Variants in CLPTM1L observed in about 807,000 individuals in gnomAD.
CLPTM1L encodes lipid scramblase CLPTM1L.
In CLPTM1L, 38 loss-of-function variants were observed where a neutral mutation model predicts 70.9. That is an observed-to-expected ratio of 0.54 (90% confidence interval 0.41 to 0.70). The LOEUF is 0.70. Among genes scored for constraint, CLPTM1L ranks in the 30% least tolerant of loss-of-function variants. The pLI, the probability that CLPTM1L is intolerant of heterozygous loss-of-function variation, is 0.00. For synonymous variants in CLPTM1L, 339 were observed against 299.9 expected, an observed-to-expected ratio of 1.13 and a Z score of -1.35; for missense variants, 652 against 705.9, an observed-to-expected ratio of 0.92 and a Z score of 0.87.
intron 4 of CLPTM1L, among the ~76,000 whole-genome samples, chr5:1,338,600 C>A (rs1159200460): frequency 1.3e-5 from 2 of 152,274 alleles, no homozygotes; most frequent in Non-Finnish European, 2.9e-5. Context: ...TCAGCGCCTT[C>A]CGTTTTCTCT....
At chr5:1,343,379 A>C (rs1421166052) in intron 2 of CLPTM1L, among the ~76,000 whole-genome samples, 1 of 152,178 alleles carries the variant, frequency 6.6e-6, no homozygotes, top group Non-Finnish European at 1.5e-5. Flanking sequence ...AGCTGTGTTA[A>C]GAGTGCTCAT....
intron 8 of CLPTM1L, chr5:1,330,923 G>A (rs369112784): frequency 6.5e-6 from 1 of 154,058 alleles, no homozygotes; most frequent in African/African-American, 2.4e-5. Flanking sequence ...GCCAGGAAAG[G>A]CATTAGGGTT....
chr5:1,327,369 C>CTCCTCCTCTACAGGG (rs1752670670), intron 9 of CLPTM1L, among the ~76,000 whole-genome samples: 1 of 140,460 alleles, frequency 7.1e-6, no homozygotes, highest in Non-Finnish European at 1.6e-5. Context: ...CCTCTACAGG[C>CTCCTCCTCTACAGGG]ACATTCCATC....
chr5:1,338,894 A>C lies in CLPTM1L; in HGVS notation c.565T>G (p.Ser189Ala). 6 of 1,613,338 alleles carry C rather than the reference A, an allele frequency of 3.7e-6. No homozygotes were observed. Among genetic ancestry groups the C allele is most frequent in the Non-Finnish European group, 5.1e-6 (6 of 1,180,050 alleles). Residue 189 changes from serine (S) to alanine (A), a missense_variant, in exon 4 of 17, where the codon TCC (serine) becomes GCC (alanine). By Grantham distance (99) the Ser-to-Ala change is moderately conservative (BLOSUM62 1). Transcript: ENST00000320895. ...MADNFVFDGS[S>A]LPADVHRYMK... ...TACCGATGCACATCGGCAGGCAGGG[A>C]GGACCCGTCAAAGACAAAGTTGTCC...
rs554412410 is a variant in CLPTM1L, at chr5:1,328,620, C to T, written c.1080+1660G>A. Among the ~76,000 whole-genome samples the T allele has an allele frequency of 1.9e-3, 289 of 151,498 alleles. 4 individuals are homozygous for T. The highest frequency in any genetic ancestry group is 6.7e-3 in the African/African-American group (274 of 41,056). ...TCATCCAGCTCCTCCTCTACAGACA[C>T]ACTTCATCCAGCTCCTCCTCTACAG... On this transcript the variant is annotated intron_variant, in intron 9 of 16. Coordinates refer to ENST00000320895, the MANE Select transcript of CLPTM1L (RefSeq NM_030782.5).
intron 12 of CLPTM1L, among the ~76,000 whole-genome samples, chr5:1,323,230 C>CAG (rs1752269846): frequency 6.8e-6 from 1 of 147,342 alleles, no homozygotes; most frequent in Non-Finnish European, 1.5e-5. Context: ...CAGCAGAGGC[C>CAG]GGGCACTCCA....
intron 9 of CLPTM1L, among the ~76,000 whole-genome samples, chr5:1,329,777 C>CTGGTGGACAGAGCCTCAGGACTCTCTGCT (rs1752959175): frequency 1.7e-5 from 1 of 58,374 alleles, no homozygotes; most frequent in Admixed American, 1.6e-4. Context: ...GACTCTCTGC[C>CTGGTGGACAGAGCCTCAGGACTCTCTGCT]TGGTGGACAG....
At chr5:1,336,766 G>A (rs1232753198) in intron 5 of CLPTM1L, among the ~76,000 whole-genome samples, 4 of 152,362 alleles carry the variant, frequency 2.6e-5, no homozygotes, top group Admixed American at 6.5e-5. Context: ...CAGCCTGCAG[G>A]TTGTATAGGA....
In CLPTM1L at chr5:1,322,432, C is replaced by G. The variant is rs544670334; in HGVS notation, c.1315+445G>C. Among the ~76,000 whole-genome samples, 3 of 152,338 alleles carry G rather than the reference C, an allele frequency of 2.0e-5. No homozygotes were observed. The South Asian group carries it at 6.2e-4, about 32-fold the overall frequency. On this transcript the variant is annotated intron_variant, in intron 13 of 16. Coordinates refer to ENST00000320895, the MANE Select transcript of CLPTM1L (RefSeq NM_030782.5). ...CATCTGCAGGAGGGGGCGCGCCGTG[C>G]ACCAGAGCCTGGTGCTTCCATTTGC...
At chr5:1,343,698 G>A (rs1754092563) in intron 2 of CLPTM1L, among the ~76,000 whole-genome samples, 1 of 152,264 alleles carries the variant, frequency 6.6e-6, no homozygotes, top group Admixed American at 6.5e-5. Context: ...CTACCCCCAG[G>A]GACTGGCTGC....
Position 1,339,012 on chromosome 5 carries a change from A to G in CLPTM1L, c.454-7T>C. ...TCTTCTCCGCCTCGATCTGCTGTTA[A>G]GTGAGGAAAACAGAGGCCAATGCTG... On this transcript the variant is annotated splice_region_variant and splice_polypyrimidine_tract_variant and intron_variant, in intron 3 of 16. Transcript: ENST00000320895. 16 of 1,611,660 alleles carry G rather than the reference A, an allele frequency of 9.9e-6. No individual in the cohort carries two copies. Among genetic ancestry groups the G allele is most frequent in the Non-Finnish European group, 1.3e-5 (15 of 1,178,770 alleles).
intron 12 of CLPTM1L, among the ~76,000 whole-genome samples, chr5:1,323,515 A>C (rs1047036715): frequency 2.0e-5 from 3 of 152,150 alleles, no homozygotes; most frequent in African/African-American, 7.2e-5. Context: ...CGGGCAGCAG[A>C]GGCCAGGGGC....
At chr5:1,324,901 C>T in intron 10 of CLPTM1L, 88 bp from the exon 11 acceptor site, 1 of 1,237,128 alleles carries the variant, frequency 8.1e-7, no homozygotes, top group Non-Finnish European at 1.2e-6. Context: ...TCACATATGG[C>T]TGCAGAGCTG....
chr5:1,335,255 TC>T, intron 5 of CLPTM1L, 81 bp from the exon 6 acceptor site: 1 of 1,106,188 alleles, frequency 9.0e-7, no homozygotes, highest in Non-Finnish European at 1.4e-6. Flanking sequence ...AACCCTGCCA[TC>T]CCCCTTCCCA....
chr5:1,342,779 G>A lies in CLPTM1L; in HGVS notation c.264-919C>T, dbSNP rs1754028977. ...AACTTTGAAAACTGTTGTAGAGATG[G>A]GGTTTTGTCACATTGCCTAGGCTGG... On this transcript the variant is annotated intron_variant, in intron 2 of 16. Transcript: ENST00000320895. This position sits in a 1 kb window ranked among gnomAD's most constrained non-coding sequence, Gnocchi z 4.3. Among the ~76,000 whole-genome samples the A allele has an allele frequency of 6.6e-6, 1 of 152,206 alleles. No individual in the cohort carries two copies.
rs994408577 is a variant in CLPTM1L at position 1,344,807 on chromosome 5, A to C, written c.35T>G (p.Val12Gly). ...WSGRSSFTSLVVGVFVVYVVH... is the reference protein window; with the variant it reads ...WSGRSSFTSLGVGVFVVYVVH... ...CACGTAGACCACGAACACGCCCACC[A>C]CCAAGCTGGTGAAGGAGCTGCGGCC... The change falls in exon 1 of 17, where the codon GTG (valine) becomes GGG (glycine). Residue 12 changes from valine to glycine, a missense_variant. Transcript: ENST00000320895. The C allele has an allele frequency of 1.5e-5, 24 of 1,597,474 alleles. No homozygotes were observed. The highest frequency in any genetic ancestry group is 1.9e-5 in the Non-Finnish European group (22 of 1,173,664).
intron 2 of CLPTM1L, among the ~76,000 whole-genome samples, chr5:1,343,673 T>G (rs1279753701): frequency 6.6e-6 from 1 of 152,172 alleles, no homozygotes; most frequent in Non-Finnish European, 1.5e-5. Context: ...GAAACCGGCT[T>G]GCCAGCGCCT....
In CLPTM1L at chr5:1,327,117, T is replaced by C. The variant is rs1189427447; in HGVS notation, c.1081-1301A>G. On this transcript the variant is annotated intron_variant, in intron 9 of 16. Transcript: ENST00000320895. ...GCTCCTCCTCGACAGACACATTCCATCCAGCTCCTCCTCTACAGACACATT... is the reference window on the plus strand; with the variant it reads ...GCTCCTCCTCGACAGACACATTCCACCCAGCTCCTCCTCTACAGACACATT... 5.0e-4 allele frequency among the ~76,000 whole-genome samples: 75 copies of C among 148,832 alleles called. 1 individual carries two copies. Among genetic ancestry groups the C allele is most frequent in the South Asian group, 4.3e-3 (20 of 4,620 alleles).
chr5:1,327,339 A>C (rs879243145), intron 9 of CLPTM1L, among the ~76,000 whole-genome samples: 1 of 105,810 alleles, frequency 9.5e-6, no homozygotes. Context: ...TCCTCTACAG[A>C]CACATTCCAT....
Sources: gnomAD v4.1 joint callset for allele counts (sites outside exome capture counted in the v4.1 genomes callset) on GRCh38, gnomAD v4.1.1 for gene constraint, Gnocchi (gnomAD v3.1) non-coding constraint, MANE v1.5 for transcripts, NCBI Gene and HGNC (gene_info 2026-07-23, HGNC 2026-07-21) for gene names.